UBE2E3: variants seen among roughly 807,000 people sequenced by gnomAD.
UBE2E3 encodes the protein ubiquitin conjugating enzyme E2 E3.
In UBE2E3, 5 loss-of-function variants were observed where a neutral mutation model predicts 23.6. The ratio of observed to expected loss-of-function variants is 0.21; its 90% CI spans 0.11 to 0.44. The LOEUF is 0.44. UBE2E3 is among the 20% of genes least tolerant of loss of function. The pLI is 0.99. For synonymous variants in UBE2E3, 78 were observed against 87.5 expected (o/e 0.89, Z 0.60); for missense variants, 81 against 249.8 (o/e 0.32, Z 4.55).
At chr2:181,004,556 C>G (rs1212932451) in intron 3 of UBE2E3, among the ~76,000 whole-genome samples, 1 of 152,006 alleles carries the variant, frequency 6.6e-6, no homozygotes, top group Non-Finnish European at 1.5e-5. Context: ...TCACTTGAAA[C>G]ATGGAGGCGG....
chr2:181,004,305 T>C (rs1253290109), intron 3 of UBE2E3, among the ~76,000 whole-genome samples: 1 of 152,192 alleles, frequency 6.6e-6, no homozygotes, highest in Non-Finnish European at 1.5e-5. Context: ...AAATTTCTTA[T>C]TTGTATGCAA....
At chr2:181,055,715 G>A (rs1291572125) in intron 3 of UBE2E3, among the ~76,000 whole-genome samples, 2 of 151,696 alleles carry the variant, frequency 1.3e-5, no homozygotes, top group Admixed American at 1.3e-4. Flanking sequence ...TGTACACTTT[G>A]TCCGATGGCA....
chr2:180,994,769 A>C (rs951658569), intron 3 of UBE2E3, among the ~76,000 whole-genome samples: 2 of 152,230 alleles, frequency 1.3e-5, no homozygotes, highest in African/African-American at 4.8e-5. Context: ...AATAGTGAAA[A>C]TATTAGGAAA....
intron 3 of UBE2E3, among the ~76,000 whole-genome samples, chr2:181,027,059 A>C (rs1023791109): frequency 6.6e-6 from 1 of 151,938 alleles, no homozygotes; most frequent in East Asian, 1.9e-4. Context: ...ACTTTATTCT[A>C]ACTTATCCTA....
chr2:180,989,579 G>A (rs1407526686), intron 3 of UBE2E3, among the ~76,000 whole-genome samples: 1 of 152,004 alleles, frequency 6.6e-6, no homozygotes, highest in Non-Finnish European at 1.5e-5. Flanking sequence ...TCCTCCATAC[G>A]TGCCAGTGTA....
intron 3 of UBE2E3, among the ~76,000 whole-genome samples, chr2:181,001,842 G>A (rs1460391673): frequency 6.6e-6 from 1 of 152,120 alleles, no homozygotes; most frequent in African/African-American, 2.4e-5. Flanking sequence ...CTGTTTTCAA[G>A]TATGGATGAG....
intron 3 of UBE2E3, among the ~76,000 whole-genome samples, chr2:181,000,743 A>G (rs1477647628): frequency 1.3e-5 from 2 of 152,002 alleles, no homozygotes; most frequent in Non-Finnish European, 2.9e-5. Context: ...TTTAGTAGAG[A>G]TGGGGTTTCA....
chr2:181,026,559 G>T (rs749782260), intron 3 of UBE2E3, among the ~76,000 whole-genome samples: 2 of 150,758 alleles, frequency 1.3e-5, no homozygotes, highest in African/African-American at 2.4e-5. Flanking sequence ...TCCAAAGGCT[G>T]AGGAAACAGA....
At chr2:181,026,827 A>G (rs1280047450) in intron 3 of UBE2E3, among the ~76,000 whole-genome samples, 2 of 151,874 alleles carry the variant, frequency 1.3e-5, no homozygotes, top group Non-Finnish European at 3.0e-5. Flanking sequence ...TATCATCAGT[A>G]AACAGTTAAT....
intron 3 of UBE2E3, among the ~76,000 whole-genome samples, chr2:181,002,972 T>G (rs1048099791): frequency 1.3e-5 from 2 of 152,244 alleles, no homozygotes; most frequent in African/African-American, 4.8e-5. Flanking sequence ...AATGCAGGCT[T>G]CTTTTCAAGG....
At chr2:181,060,176 C>A (rs1218295925) in intron 4 of UBE2E3, among the ~76,000 whole-genome samples, 3 of 151,700 alleles carry the variant, frequency 2.0e-5, no homozygotes. Flanking sequence ...TCTTCTAAAT[C>A]CTCCAGTATT....
intron 3 of UBE2E3, among the ~76,000 whole-genome samples, chr2:181,032,292 C>T (rs527982380): frequency 6.6e-6 from 1 of 152,292 alleles, no homozygotes; most frequent in African/African-American, 2.4e-5. Flanking sequence ...CATAAAATAA[C>T]GTGTATCCAA....
intron 3 of UBE2E3, among the ~76,000 whole-genome samples, chr2:181,053,424 T>C (rs1463296660): frequency 6.6e-6 from 1 of 151,902 alleles, no homozygotes; most frequent in Non-Finnish European, 1.5e-5. Context: ...TTTTGGAACA[T>C]ACTCGTTTAT....
chr2:181,031,603 C>T (rs1435965761), intron 3 of UBE2E3, among the ~76,000 whole-genome samples: 1 of 152,094 alleles, frequency 6.6e-6, no homozygotes, highest in Non-Finnish European at 1.5e-5. Flanking sequence ...TTAACGACTA[C>T]TTTCTGTTTT....
intron 3 of UBE2E3, among the ~76,000 whole-genome samples, chr2:181,041,157 A>G (rs937361724): frequency 1.8e-4 from 26 of 147,134 alleles, no homozygotes; most frequent in African/African-American, 6.3e-4. Context: ...CTGAGGCAGG[A>G]GAATTGCTTG....
At chr2:180,981,175 C>T (rs1393158777) in intron 1 of UBE2E3, 1 of 149,378 alleles carries the variant, frequency 6.7e-6, no homozygotes, top group African/African-American at 2.4e-5. Flanking sequence ...GCGCGGCCCT[C>T]CCCACAAAGG....
At chr2:181,022,349 T>C (rs561978256) in intron 3 of UBE2E3, among the ~76,000 whole-genome samples, 18 of 146,726 alleles carry the variant, frequency 1.2e-4, no homozygotes, top group Non-Finnish European at 2.3e-4. Context: ...GGTGGTGTTA[T>C]GTTCCATAAA....
chr2:181,040,899 A>G (rs1686469573), intron 3 of UBE2E3, among the ~76,000 whole-genome samples: 2 of 150,830 alleles, frequency 1.3e-5, no homozygotes, highest in South Asian at 2.1e-4. Flanking sequence ...TTGAATTTTC[A>G]TAAGTAGACT....
intron 3 of UBE2E3, among the ~76,000 whole-genome samples, chr2:181,030,449 TATC>T (rs1686040276): frequency 6.6e-6 from 1 of 152,150 alleles, no homozygotes; most frequent in African/African-American, 2.4e-5. Context: ...CAATATATAT[TATC>T]TTTTTTCAAT....
Sources: gnomAD v4.1 joint callset for allele counts (sites outside exome capture counted in the v4.1 genomes callset) on GRCh38, gnomAD v4.1.1 for gene constraint, MANE v1.5 for transcripts, NCBI Gene and HGNC (gene_info 2026-07-23, HGNC 2026-07-21) for gene names.